SHISA9: variants seen among roughly 807,000 people sequenced by gnomAD.
The protein encoded by SHISA9 is protein shisa-9.
A neutral mutation model predicts 38.0 loss-of-function variants in SHISA9; 13 were observed. That is an observed-to-expected ratio of 0.34 (90% CI 0.22 to 0.54). The LOEUF (loss-of-function observed/expected upper bound fraction) is 0.54, where lower values mean the gene tolerates loss of function less well. Ranked by LOEUF, SHISA9 falls within the 20% of genes least tolerant of loss-of-function variation. The probability of loss-of-function intolerance (pLI) is 0.91; values close to 1 mark genes in which losing one functional copy is unlikely to be tolerated. For missense variants in SHISA9, 538 were observed against 575.8 expected, an observed-to-expected ratio of 0.93 and a Z score of 0.67; for synonymous variants, 275 against 242.0, an observed-to-expected ratio of 1.14 and a Z score of -1.27.
intron 2 of SHISA9, among the ~76,000 whole-genome samples, chr16:13,150,628 C>T (rs992579961): frequency 7.2e-5 from 11 of 152,158 alleles, no homozygotes; most frequent in African/African-American, 2.4e-5. Context: ...CAGCCCTACC[C>T]CAAGCCTATT....
At chr16:13,371,898 A>T in the SHISA9 span, among the ~76,000 whole-genome samples, 1 of 152,206 alleles carries the variant, frequency 6.6e-6, no homozygotes, top group African/African-American at 2.4e-5. Context: ...CAGGATTCCA[A>T]CTTGACTTCT....
At chr16:13,527,468 A>G in the SHISA9 span, among the ~76,000 whole-genome samples, 1 of 152,230 alleles carries the variant, frequency 6.6e-6, no homozygotes, top group Non-Finnish European at 1.5e-5. Flanking sequence ...AGAGAAAACG[A>G]GAAAGAGATA....
At chr16:13,027,892 A>C (rs576457751) in intron 2 of SHISA9, among the ~76,000 whole-genome samples, 183 of 137,058 alleles carry the variant, frequency 1.3e-3, no homozygotes, top group African/African-American at 5.0e-3. Context: ...ACGCCACTGC[A>C]CTCTGGCCTG....
the SHISA9 span, among the ~76,000 whole-genome samples, chr16:13,441,634 T>C: frequency 6.6e-6 from 1 of 152,216 alleles, no homozygotes; most frequent in Admixed American, 6.5e-5. Context: ...GCATGTTTTC[T>C]ATAAGTGATT....
rs752460181 is a variant in SHISA9 at position 13,235,615 on chromosome 16, C to A, written c.*206C>A. 6 of 616,120 alleles carry A rather than the reference C, an allele frequency of 9.7e-6. No homozygotes were observed. Among genetic ancestry groups the A allele is most frequent in the African/African-American group, 7.4e-5 (4 of 54,182 alleles). 38.2% of individuals were successfully genotyped at this position (616,120 alleles called of 1,614,324 possible). ...GTGTCGGCGGGCAGCTGAGAAAGAC[C>A]GAAGCGTGGACATTCAGCAATACAG... is the stretch of plus-strand genomic sequence containing the variant. On this transcript the variant is annotated 3_prime_UTR_variant, in exon 5 of 5. Transcript: ENST00000558583.
At chr16:13,279,590 T>C in the SHISA9 span, among the ~76,000 whole-genome samples, 7 of 151,986 alleles carry the variant, frequency 4.6e-5, no homozygotes, top group East Asian at 1.2e-3. Flanking sequence ...CTTTTGTGAA[T>C]GCCTTAATTA....
At chr16:13,483,580 G>T in the SHISA9 span, among the ~76,000 whole-genome samples, 1 of 151,782 alleles carries the variant, frequency 6.6e-6, no homozygotes, top group Non-Finnish European at 1.5e-5. Flanking sequence ...GGTGTGCCAG[G>T]CCTCAGGAAA....
the SHISA9 span, among the ~76,000 whole-genome samples, chr16:13,482,240 T>C: frequency 3.3e-5 from 5 of 152,244 alleles, no homozygotes; most frequent in African/African-American, 1.2e-4. Context: ...CAAGTCACCA[T>C]GGGTGATTTA....
chr16:13,249,604 T>C, the SHISA9 span, among the ~76,000 whole-genome samples: 1 of 152,182 alleles, frequency 6.6e-6, no homozygotes, highest in South Asian at 2.1e-4. Context: ...TTACAGACTC[T>C]GTTTTCTTCC....
the SHISA9 span, among the ~76,000 whole-genome samples, chr16:13,254,444 C>G: frequency 3.3e-5 from 5 of 152,218 alleles, no homozygotes; most frequent in Admixed American, 3.3e-4. Flanking sequence ...ATGTCACCAG[C>G]CTTGGTTGCT....
At chr16:13,317,853 C>T in the SHISA9 span, among the ~76,000 whole-genome samples, 1 of 152,140 alleles carries the variant, frequency 6.6e-6, no homozygotes, top group Non-Finnish European at 1.5e-5. Flanking sequence ...TCTAAAGTCC[C>T]TAAGATTGGA....
At chr16:13,381,676 C>A in the SHISA9 span, among the ~76,000 whole-genome samples, 4 of 151,904 alleles carry the variant, frequency 2.6e-5, no homozygotes, top group African/African-American at 4.8e-5. Context: ...TGTAAAAAAA[C>A]CTAATTTCTA....
chr16:13,224,192 G>A (rs1399926979), intron 4 of SHISA9, among the ~76,000 whole-genome samples: 1 of 151,318 alleles, frequency 6.6e-6, no homozygotes, highest in African/African-American at 2.4e-5. Context: ...GAAATAGAGA[G>A]GAAGTCCCTG....
chr16:13,305,992 G>A, the SHISA9 span, among the ~76,000 whole-genome samples: 4 of 152,234 alleles, frequency 2.6e-5, no homozygotes, highest in East Asian at 7.7e-4. Context: ...TCATGGGCTA[G>A]TAGGATGGAA....
At chr16:13,554,943 T>G in the SHISA9 span, among the ~76,000 whole-genome samples, 1 of 152,206 alleles carries the variant, frequency 6.6e-6, no homozygotes, top group Non-Finnish European at 1.5e-5. Flanking sequence ...GTGCCTTGGG[T>G]TAAATCCCAT....
intron 2 of SHISA9, among the ~76,000 whole-genome samples, chr16:13,007,755 T>G (rs1351802694): frequency 1.3e-5 from 2 of 152,234 alleles, no homozygotes; most frequent in Non-Finnish European, 2.9e-5. Flanking sequence ...TGCATCTTTC[T>G]TCTACGCAGC....
chr16:13,335,540 G>C, the SHISA9 span, among the ~76,000 whole-genome samples: 1 of 152,108 alleles, frequency 6.6e-6, no homozygotes, highest in African/African-American at 2.4e-5. Flanking sequence ...TTCTCTTTTG[G>C]GACATTCCTG....
chr16:13,399,853 A>G, the SHISA9 span, among the ~76,000 whole-genome samples: 20 of 152,208 alleles, frequency 1.3e-4, no homozygotes, highest in African/African-American at 4.8e-4. Flanking sequence ...TTGCTGTCCC[A>G]TGGACCACAT....
At chr16:13,017,088 T>C (rs942356289) in intron 2 of SHISA9, among the ~76,000 whole-genome samples, 1 of 151,804 alleles carries the variant, frequency 6.6e-6, no homozygotes, top group African/African-American at 2.4e-5. Context: ...GGCCTGATCT[T>C]GGCTCACTGC....
Sources: gnomAD v4.1 joint callset for allele counts (sites outside exome capture counted in the v4.1 genomes callset) on GRCh38, gnomAD v4.1.1 for gene constraint, MANE v1.5 for transcripts, NCBI Gene and HGNC (gene_info 2026-07-23, HGNC 2026-07-21) for gene names.